The following SNTG1 variants were observed in gnomAD, a reference collection of about 807,000 sequenced individuals.
SNTG1 encodes the protein gamma-1-syntrophin.
A neutral mutation model predicts 74.7 loss-of-function variants in SNTG1; 39 were observed. The observed-to-expected ratio is 0.52, with a 90% CI of 0.40 to 0.68. SNTG1 has a LOEUF of 0.68. SNTG1 is among the 30% of genes least tolerant of loss of function. The pLI, the probability that SNTG1 is intolerant of heterozygous loss-of-function variation, is 0.00. For synonymous variants in SNTG1, 254 were observed against 217.1 expected, an observed-to-expected ratio of 1.17 and a Z score of -1.49; for missense variants, 685 against 609.5, an observed-to-expected ratio of 1.12 and a Z score of -1.30.
chr8:50,739,867 C>T (rs1264084940), intron 17 of SNTG1, among the ~76,000 whole-genome samples: 5 of 151,976 alleles, frequency 3.3e-5, no homozygotes, highest in Non-Finnish European at 7.4e-5. Context: ...CAAAAACAAT[C>T]AGTGGGGTAA....
intron 1 of SNTG1, among the ~76,000 whole-genome samples, chr8:50,150,969 A>C (rs1237167261): frequency 6.6e-6 from 1 of 152,178 alleles, no homozygotes; most frequent in Non-Finnish European, 1.5e-5. Context: ...TGATTGGGAT[A>C]GTTTCAGAAG....
At chr8:50,485,082 A>G (rs1387194282) in intron 8 of SNTG1, among the ~76,000 whole-genome samples, 2 of 152,210 alleles carry the variant, frequency 1.3e-5, no homozygotes, top group East Asian at 3.9e-4. Context: ...TAAACATGTG[A>G]TTACATTTGA....
rs1434001731 is a variant in SNTG1 at position 50,131,597 on chromosome 8, A to G, written c.-102-40964A>G. Among the ~76,000 whole-genome samples, 2 of 152,140 alleles carry G rather than the reference A, an allele frequency of 1.3e-5. 1 individual carries two copies. The highest frequency in any genetic ancestry group is 2.9e-5 in the Non-Finnish European group (2 of 67,994). ...TCTATTTATTTGTTGTTAGATGTCT[A>G]GGTTGTTTTCATATCTTGGCTATTG... is the stretch of plus-strand genomic sequence containing the variant. On this transcript the variant is annotated intron_variant, in intron 1 of 18. Transcript: ENST00000642720.
chr8:50,091,308 TA>T (rs2079728392), intron 1 of SNTG1, among the ~76,000 whole-genome samples: 1 of 152,006 alleles, frequency 6.6e-6, no homozygotes, highest in African/African-American at 2.4e-5. Context: ...GTGCGTGTGG[TA>T]AGAGCACCTG....
chr8:50,494,901 T>C (rs557443684), intron 8 of SNTG1, among the ~76,000 whole-genome samples: 2 of 152,246 alleles, frequency 1.3e-5, no homozygotes, highest in South Asian at 2.1e-4. Context: ...AATAGGTGGC[T>C]CTTTTCTATA....
At chr8:50,159,101 C>T (rs1297372025) in intron 1 of SNTG1, among the ~76,000 whole-genome samples, 1 of 149,446 alleles carries the variant, frequency 6.7e-6, no homozygotes, top group Non-Finnish European at 1.5e-5. Flanking sequence ...TGGGTTTTTT[C>T]TCTTCTAAAA....
chr8:50,326,103 T>A (rs1452507254), intron 2 of SNTG1, among the ~76,000 whole-genome samples: 1 of 152,082 alleles, frequency 6.6e-6, no homozygotes, highest in South Asian at 2.1e-4. Flanking sequence ...TATAGTTGTA[T>A]ACACTGTTGG....
At chr8:50,184,532 G>A (rs2131735780) in intron 2 of SNTG1, among the ~76,000 whole-genome samples, 1 of 152,240 alleles carries the variant, frequency 6.6e-6, no homozygotes, top group East Asian at 1.9e-4. Flanking sequence ...AGCCTGAAAT[G>A]TCTGTTTCCT....
chr8:50,279,064 T>A (rs2088284473), intron 2 of SNTG1, among the ~76,000 whole-genome samples: 2 of 152,120 alleles, frequency 1.3e-5, no homozygotes. Flanking sequence ...TTTTCTCACA[T>A]CTATTCTTTA....
chr8:50,196,871 A>G (rs1391774087), intron 2 of SNTG1, among the ~76,000 whole-genome samples: 2 of 151,934 alleles, frequency 1.3e-5, no homozygotes, highest in African/African-American at 4.8e-5. Flanking sequence ...AATCCCAGCT[A>G]CTCAGGAGGC....
At chr8:50,048,990 C>A (rs1819333974) in intron 1 of SNTG1, among the ~76,000 whole-genome samples, 1 of 151,340 alleles carries the variant, frequency 6.6e-6, no homozygotes, top group South Asian at 2.1e-4. Flanking sequence ...ATATTCTAAA[C>A]CACTCAAAAA....
At chr8:50,371,108 A>G (rs1425485736) in intron 2 of SNTG1, among the ~76,000 whole-genome samples, 1 of 152,136 alleles carries the variant, frequency 6.6e-6, no homozygotes, top group Non-Finnish European at 1.5e-5. Context: ...ATGATTTTGG[A>G]GAAAAGCCCA....
At chr8:50,393,668 T>A (rs2092691473) in intron 2 of SNTG1, among the ~76,000 whole-genome samples, 1 of 152,196 alleles carries the variant, frequency 6.6e-6, no homozygotes, top group Non-Finnish European at 1.5e-5. Context: ...ATACATTGAT[T>A]TTTCTTAATA....
intron 2 of SNTG1, among the ~76,000 whole-genome samples, chr8:50,230,642 A>G (rs1341312698): frequency 6.6e-6 from 1 of 151,358 alleles, no homozygotes; most frequent in African/African-American, 2.4e-5. Context: ...GCAAAAATAC[A>G]ATGGGAAAAT....
chr8:49,935,765 G>A (rs1037531199), intron 1 of SNTG1, among the ~76,000 whole-genome samples: 1 of 152,104 alleles, frequency 6.6e-6, no homozygotes, highest in Non-Finnish European at 1.5e-5. Context: ...CCCAAACCTT[G>A]GCAACTGCAA....
intron 9 of SNTG1, among the ~76,000 whole-genome samples, chr8:50,517,297 G>A (rs1408123163): frequency 5.3e-5 from 8 of 152,014 alleles, no homozygotes; most frequent in Non-Finnish European, 1.2e-4. Flanking sequence ...TGAAAAAAGT[G>A]CTAAATATGG....
At position 50,665,025 on chromosome 8, in the gene SNTG1, AT is replaced by A. The variant is rs2095243835; in HGVS notation, c.1038+6369del. On this transcript the variant is annotated intron_variant, in intron 15 of 18. Coordinates refer to ENST00000642720, the MANE Select transcript of SNTG1 (RefSeq NM_018967.5). ...AACAAGTCTTTGGATGACAGAGATT[AT>A]TTTTTTAAACAGTATTTTTCATGAT... Among the ~76,000 whole-genome samples the A allele has an allele frequency of 3.3e-5, 5 of 152,226 alleles. No individual in the cohort carries two copies. In the South Asian group the frequency reaches 8.3e-4, roughly 25 times the overall value.
At chr8:50,355,898 G>GTC (rs1563935453) in intron 2 of SNTG1, among the ~76,000 whole-genome samples, 1 of 152,152 alleles carries the variant, frequency 6.6e-6, no homozygotes, top group Non-Finnish European at 1.5e-5. Context: ...GCTGATTCCA[G>GTC]TCTCTGTGTG....
intron 1 of SNTG1, among the ~76,000 whole-genome samples, chr8:49,964,794 T>A (rs970440097): frequency 4.6e-5 from 7 of 152,222 alleles, no homozygotes; most frequent in African/African-American, 1.4e-4. Flanking sequence ...TATTCATTAG[T>A]GATCTCTTCC....
Sources: gnomAD v4.1 joint callset for allele counts (sites outside exome capture counted in the v4.1 genomes callset) on GRCh38, gnomAD v4.1.1 for gene constraint, MANE v1.5 for transcripts, NCBI Gene and HGNC (gene_info 2026-07-23, HGNC 2026-07-21) for gene names.